SLC44A5: variants seen among roughly 807,000 people sequenced by gnomAD.
SLC44A5 encodes the protein choline transporter-like protein 5.
In SLC44A5, 57 loss-of-function variants were observed where a neutral mutation model predicts 101.8. The ratio of observed to expected loss-of-function variants is 0.56; its 90% confidence interval spans 0.45 to 0.70. The LOEUF (loss-of-function observed/expected upper bound fraction) is 0.70, where lower values mean the gene tolerates loss of function less well. SLC44A5 is among the 30% of genes least tolerant of loss of function. SLC44A5 has a pLI of 0.00. For missense variants in SLC44A5, 737 were observed against 853.1 expected (o/e 0.86, Z 1.70); for synonymous variants, 281 against 290.9 (o/e 0.97, Z 0.35).
At chr1:75,651,193 A>G in the SLC44A5 span, among the ~76,000 whole-genome samples, 1 of 152,150 alleles carries the variant, frequency 6.6e-6, no homozygotes, top group Admixed American at 6.5e-5. Flanking sequence ...GGGTATTCCT[A>G]ACTATGCTAA....
intron 12 of SLC44A5, among the ~76,000 whole-genome samples, chr1:75,231,174 T>A (rs548398737): frequency 6.0e-4 from 91 of 152,256 alleles, no homozygotes; most frequent in Non-Finnish European, 1.1e-3. Context: ...GATGCCAGAC[T>A]TACTCCAGGA....
At chr1:75,525,461 C>G (rs1225191998) in intron 2 of SLC44A5, among the ~76,000 whole-genome samples, 1 of 152,034 alleles carries the variant, frequency 6.6e-6, no homozygotes, top group Non-Finnish European at 1.5e-5. Context: ...AGAACCACAG[C>G]ATGCAGAAGA....
chr1:75,393,461 A>G (rs2101375497), intron 3 of SLC44A5, among the ~76,000 whole-genome samples: 1 of 152,346 alleles, frequency 6.6e-6, no homozygotes, highest in Non-Finnish European at 1.5e-5. Context: ...TTAAAGTAAT[A>G]TATGTTTATG....
intron 20 of SLC44A5, 34 bp downstream of exon 20, chr1:75,214,571 T>C: frequency 6.4e-7 from 1 of 1,555,374 alleles, no homozygotes; most frequent in Non-Finnish European, 8.8e-7. Flanking sequence ...GTTCACTACA[T>C]TGTTAAATTA....
At chr1:75,659,399 A>G in the SLC44A5 span, among the ~76,000 whole-genome samples, 1 of 135,256 alleles carries the variant, frequency 7.4e-6, no homozygotes, top group Admixed American at 7.6e-5. Context: ...AAGAAAGAAA[A>G]AGAAGGAAAG....
At position 75,338,390 on chromosome 1, in the gene SLC44A5, C is replaced by T. The variant is rs544127356; in HGVS notation, c.101+1192G>A. Among the ~76,000 whole-genome samples the T allele has an allele frequency of 2.6e-5, 4 of 152,266 alleles. No homozygotes were observed. The South Asian group carries it at 6.2e-4, about 24-fold the overall frequency. On this transcript the variant is annotated intron_variant, in intron 4 of 23. Coordinates refer to ENST00000370859, the MANE Select transcript of SLC44A5 (RefSeq NM_001130058.2). Reference sequence around the variant, plus strand: ...CTTATCTATGGCCTAGAAAGACACACCTGTAATCTGTATTTCCTCTTTCTA... The same window carrying T: ...CTTATCTATGGCCTAGAAAGACACATCTGTAATCTGTATTTCCTCTTTCTA...
intron 2 of SLC44A5, among the ~76,000 whole-genome samples, chr1:75,478,278 G>C (rs907209083): frequency 3.3e-5 from 5 of 152,130 alleles, no homozygotes; most frequent in Non-Finnish European, 7.4e-5. Context: ...GGAACAACCA[G>C]TACCAGCCAC....
At chr1:75,557,524 G>A (rs567486206) in intron 1 of SLC44A5, among the ~76,000 whole-genome samples, 1 of 152,136 alleles carries the variant, frequency 6.6e-6, no homozygotes, top group African/African-American at 2.4e-5. Context: ...GTCTCATCTA[G>A]AAAGTTCTCT....
chr1:75,454,110 G>A (rs1666054685), intron 2 of SLC44A5, among the ~76,000 whole-genome samples: 1 of 151,920 alleles, frequency 6.6e-6, no homozygotes. Context: ...GAAAACTATA[G>A]GCCAATATTC....
intron 14 of SLC44A5, among the ~76,000 whole-genome samples, chr1:75,221,157 T>G (rs1647071511): frequency 6.6e-6 from 1 of 152,196 alleles, no homozygotes; most frequent in Non-Finnish European, 1.5e-5. Context: ...TAACTGCTTG[T>G]TAACTATTTA....
chr1:75,516,471 C>T (rs921992765), intron 2 of SLC44A5, among the ~76,000 whole-genome samples: 1 of 151,982 alleles, frequency 6.6e-6, no homozygotes, highest in East Asian at 1.9e-4. Context: ...GAGCGGAGAT[C>T]GCACCACTGC....
intron 3 of SLC44A5, among the ~76,000 whole-genome samples, chr1:75,370,957 T>C (rs1400332646): frequency 6.6e-6 from 1 of 152,176 alleles, no homozygotes; most frequent in Non-Finnish European, 1.5e-5. Flanking sequence ...ACAGGGAAGA[T>C]CTAAACTAAG....
intron 2 of SLC44A5, among the ~76,000 whole-genome samples, chr1:75,403,596 A>C (rs2101455829): frequency 6.6e-6 from 1 of 152,348 alleles, no homozygotes; most frequent in South Asian, 2.1e-4. Flanking sequence ...GCAGACCTGC[A>C]GCAGAGGAGC....
the SLC44A5 span, among the ~76,000 whole-genome samples, chr1:75,633,927 T>G: frequency 6.7e-6 from 1 of 148,534 alleles, no homozygotes; most frequent in Non-Finnish European, 1.5e-5. Context: ...GTTCTTAGCA[T>G]GAAGCATTGT....
chr1:75,219,643 T>C (rs1647035206), intron 15 of SLC44A5, among the ~76,000 whole-genome samples, 157 bp downstream of exon 15: 1 of 152,114 alleles, frequency 6.6e-6, no homozygotes, highest in South Asian at 2.1e-4. Context: ...GGAAATTCAA[T>C]CGGTAGATTG....
At chr1:75,246,016 C>T (rs1353146109) in intron 7 of SLC44A5, among the ~76,000 whole-genome samples, 1 of 152,040 alleles carries the variant, frequency 6.6e-6, no homozygotes, top group Non-Finnish European at 1.5e-5. Context: ...GTAGATGCAC[C>T]GTCTGGAAGA....
rs567277079 is a variant in SLC44A5, at chr1:75,242,861, T to C, written c.471+25A>G. 11 of 1,547,396 alleles carry C rather than the reference T, an allele frequency of 7.1e-6. No homozygotes were observed. In the South Asian group the frequency reaches 1.4e-4, roughly 19 times the overall value. ...TGAAAAAAAAAGTTAAATTGTTCTC[T>C]TGCTTTAAGCTTAAACACACATACC... On this transcript the variant is annotated intron_variant, in intron 8 of 23. Coordinates refer to ENST00000370859, the MANE Select transcript of SLC44A5 (RefSeq NM_001130058.2).
At chr1:75,570,890 C>A (rs536546361) in intron 1 of SLC44A5, among the ~76,000 whole-genome samples, 1 of 152,246 alleles carries the variant, frequency 6.6e-6, no homozygotes, top group East Asian at 1.9e-4. Context: ...ATTAGGGATT[C>A]TCAGGCTTAA....
the SLC44A5 span, among the ~76,000 whole-genome samples, chr1:75,629,878 G>A: frequency 2.6e-5 from 4 of 152,226 alleles, no homozygotes; most frequent in East Asian, 1.9e-4. Flanking sequence ...AGGGAAGAAC[G>A]CAAAGCTGAG....
Sources: allele counts gnomAD v4.1 joint callset (sites outside exome capture counted in the v4.1 genomes callset), GRCh38; gene constraint gnomAD v4.1.1; transcripts MANE v1.5; gene names NCBI Gene and HGNC (gene_info 2026-07-23, HGNC 2026-07-21).